The following KLHL29 variants were observed in gnomAD, a reference collection of about 807,000 sequenced individuals.
KLHL29 encodes the protein kelch-like protein 29.
A neutral mutation model predicts 80.4 loss-of-function variants in KLHL29; 21 were observed. The ratio of observed to expected loss-of-function variants is 0.26; its 90% CI spans 0.19 to 0.38. The LOEUF is 0.38. Ranked by LOEUF, KLHL29 falls within the 10% of genes least tolerant of loss-of-function variation. The pLI is 1.00. For synonymous variants in KLHL29, 511 were observed against 526.8 expected, an observed-to-expected ratio of 0.97 and a Z score of 0.41; for missense variants, 867 against 1,223.9, an observed-to-expected ratio of 0.71 and a Z score of 4.35.
At chr2:23,666,678 T>A (rs1325541851) in intron 5 of KLHL29, among the ~76,000 whole-genome samples, 2 of 152,232 alleles carry the variant, frequency 1.3e-5, no homozygotes, top group Non-Finnish European at 2.9e-5. Context: ...TGAGCGAGTT[T>A]CCTTCTGAAG....
At chr2:23,423,386 G>T (rs143036953) in intron 1 of KLHL29, among the ~76,000 whole-genome samples, 110 of 152,298 alleles carry the variant, frequency 7.2e-4, no homozygotes, top group African/African-American at 1.9e-3. Context: ...GGTCCCTTCC[G>T]CCCTGCCCTG....
rs147071371 is a variant in KLHL29 at position 23,575,554 on chromosome 2, C to T, written c.285+13073C>T. Reference sequence around the variant, plus strand: ...AGTGTTTTTGCCTGTGAACCCTCCCCAGTCTCACAATTGCATGAGGTTGGG... The same window carrying T: ...AGTGTTTTTGCCTGTGAACCCTCCCTAGTCTCACAATTGCATGAGGTTGGG... On this transcript the variant is annotated intron_variant, in intron 3 of 13. Transcript: ENST00000486442. Among the ~76,000 whole-genome samples, 10 of 152,342 alleles carry T rather than the reference C, an allele frequency of 6.6e-5. No homozygotes were observed. In the East Asian group the frequency reaches 1.5e-3, roughly 23 times the overall value.
chr2:23,441,798 T>G (rs1220291230), intron 1 of KLHL29, among the ~76,000 whole-genome samples: 1 of 152,180 alleles, frequency 6.6e-6, no homozygotes, highest in East Asian at 1.9e-4. Context: ...CACAGCATGA[T>G]GGTTGGATTC....
intron 2 of KLHL29, among the ~76,000 whole-genome samples, chr2:23,502,069 C>T (rs572564004): frequency 2.0e-4 from 31 of 152,298 alleles, no homozygotes; most frequent in African/African-American, 7.0e-4. Context: ...GTAGCCAGGC[C>T]GGGTGCACAT....
intron 1 of KLHL29, among the ~76,000 whole-genome samples, chr2:23,469,754 A>G (rs555130395): frequency 6.6e-6 from 1 of 152,292 alleles, no homozygotes; most frequent in South Asian, 2.1e-4. Context: ...AGCATCTACT[A>G]CGTGCCAGGT....
rs1243201973 is a variant in KLHL29, at chr2:23,706,600, A to G, written c.2564A>G (p.His855Arg). The change falls in exon 14 of 14, where the codon CAC (histidine) becomes CGC (arginine). Residue 855 changes from histidine to arginine, a missense_variant. This residue lies in a region of KLHL29 where 443 missense variants were observed against 767.0 expected (regional missense o/e 0.58). Coordinates refer to ENST00000486442, the MANE Select transcript of KLHL29 (RefSeq NM_052920.2). ...ACCAACACATGGACCCTCCTCCCCC[A>G]CATGCCCTGCCCTGTGTTCAGACAC... ...PTTNTWTLLP[H>R]MPCPVFRHGC... The G allele has an allele frequency of 6.5e-7, 1 of 1,536,928 alleles. No individual in the cohort carries two copies. The highest frequency in any genetic ancestry group is 8.7e-7 in the Non-Finnish European group (1 of 1,146,804).
chr2:23,645,935 C>A (rs556697079), intron 5 of KLHL29, among the ~76,000 whole-genome samples: 1 of 152,316 alleles, frequency 6.6e-6, no homozygotes, highest in East Asian at 1.9e-4. Flanking sequence ...GTGCCATTCA[C>A]TTTAATGAGT....
At chr2:23,702,249 T>C (rs1672441241) in intron 11 of KLHL29, among the ~76,000 whole-genome samples, 1 of 152,198 alleles carries the variant, frequency 6.6e-6, no homozygotes, top group African/African-American at 2.4e-5. Flanking sequence ...CAAAAATGCA[T>C]TTAATACACC....
chr2:23,606,081 G>T (rs10865226), intron 3 of KLHL29, among the ~76,000 whole-genome samples: 61,244 of 151,598 alleles, frequency 0.4, 12,582 homozygotes, highest in East Asian at 0.65. Context: ...GGGAAAACCT[G>T]TCTTAAAGGA....
chr2:23,485,480 TG>T (rs1320380875), intron 2 of KLHL29, among the ~76,000 whole-genome samples: 2 of 152,182 alleles, frequency 1.3e-5, no homozygotes, highest in East Asian at 3.8e-4. Flanking sequence ...CCACCACCCC[TG>T]GGGACATGGT....
At position 23,696,241 on chromosome 2, in the gene KLHL29, G is replaced by C. The variant is rs905281832; in HGVS notation, c.1925-92G>C. 2 of 1,485,392 alleles carry C rather than the reference G, an allele frequency of 1.3e-6. No homozygotes were observed. Among genetic ancestry groups the C allele is most frequent in the African/African-American group, 1.4e-5 (1 of 71,612 alleles). The allele number at this position is 1,485,392 out of a possible 1,614,324, so 92.0% of individuals were successfully genotyped here. A position where few individuals can be genotyped will look rare whatever the true frequency, so the allele number is the denominator to read the frequency against. On this transcript the variant is annotated intron_variant, in intron 10 of 13. Transcript: ENST00000486442. The surrounding 1 kb of genome is among the most constrained non-coding windows in gnomAD (Gnocchi z 5.5). Reference sequence around the variant, plus strand: ...TGGCCCAGAAGTGTCTACTTTGCAGGTGAAGCCTTCCTCTGCCCCTGGGGC... The same window carrying C: ...TGGCCCAGAAGTGTCTACTTTGCAGCTGAAGCCTTCCTCTGCCCCTGGGGC...
intron 2 of KLHL29, among the ~76,000 whole-genome samples, chr2:23,558,395 G>T (rs1667352218): frequency 8.3e-6 from 1 of 120,648 alleles, no homozygotes; most frequent in African/African-American, 3.0e-5. Flanking sequence ...TACTAGGACT[G>T]TAAGACATTT....
intron 1 of KLHL29, among the ~76,000 whole-genome samples, chr2:23,440,185 C>A (rs966610743): frequency 1.3e-5 from 2 of 152,166 alleles, no homozygotes; most frequent in African/African-American, 2.4e-5. Context: ...ATATCTACAA[C>A]TATCTGATCT....
At chr2:23,428,715 T>C (rs1663074704) in intron 1 of KLHL29, among the ~76,000 whole-genome samples, 1 of 152,176 alleles carries the variant, frequency 6.6e-6, no homozygotes, top group South Asian at 2.1e-4. Context: ...GTCCCTCTTC[T>C]CGTGCCCAAA....
Position 23,684,605 on chromosome 2 carries a change from T to C in KLHL29, c.1079+68T>C. ...GGACGCTTTTGTGTCGCTTTTCTCT[T>C]CCCCTCTCTTGCAGGTTCCTGAAGC... On this transcript the variant is annotated intron_variant, in intron 6 of 13. Coordinates refer to ENST00000486442, the MANE Select transcript of KLHL29 (RefSeq NM_052920.2). This position sits in a 1 kb window ranked among gnomAD's most constrained non-coding sequence, Gnocchi z 4.4. 1 of 1,394,176 alleles carries C rather than the reference T, an allele frequency of 7.2e-7. No individual in the cohort carries two copies. Among genetic ancestry groups the C allele is most frequent in the Non-Finnish European group, 9.6e-7 (1 of 1,044,588 alleles). The allele number at this position is 1,394,176 out of a possible 1,614,324, so 86.4% of individuals were successfully genotyped here. A position where few individuals can be genotyped will look rare whatever the true frequency, so the allele number is the denominator to read the frequency against.
chr2:23,564,764 G>T (rs1667546724), intron 3 of KLHL29, among the ~76,000 whole-genome samples: 2 of 152,212 alleles, frequency 1.3e-5, no homozygotes, highest in African/African-American at 4.8e-5. Context: ...TACTGAGCAG[G>T]CAAGAGCTGG....
intron 1 of KLHL29, among the ~76,000 whole-genome samples, chr2:23,400,863 C>T (rs543316032): frequency 1.6e-4 from 24 of 152,278 alleles, no homozygotes; most frequent in East Asian, 1.5e-3. Flanking sequence ...AAAGCTACAC[C>T]TTTGTTGCAA....
rs1027329039 is a variant in KLHL29 at position 23,400,713 on chromosome 2, G to A, written c.-154+14933G>A. The stretch of plus-strand genomic sequence containing the variant: ...AAATTAGCCAGATGTAGTGGTACAC[G>A]CCTATAGTCCCAGCTACTTGGGAGG... On this transcript the variant is annotated intron_variant, in intron 1 of 13. Transcript: ENST00000486442. 5.3e-5 allele frequency among the ~76,000 whole-genome samples: 8 copies of A among 152,054 alleles called. 1 individual carries two copies. The highest frequency in any genetic ancestry group is 4.2e-4 in the South Asian group (2 of 4,814).
At chr2:23,423,306 G>A (rs1018395541) in intron 1 of KLHL29, among the ~76,000 whole-genome samples, 3 of 152,204 alleles carry the variant, frequency 2.0e-5, no homozygotes, top group Non-Finnish European at 2.9e-5. Context: ...CAGCCTGGCC[G>A]ACTGACCTCC....
Sources: gnomAD v4.1 joint callset for allele counts (sites outside exome capture counted in the v4.1 genomes callset) on GRCh38, gnomAD v4.1.1 for gene constraint, gnomAD v4.1.1 regional missense constraint, Gnocchi (gnomAD v3.1) non-coding constraint, MANE v1.5 for transcripts, NCBI Gene and HGNC (gene_info 2026-07-23, HGNC 2026-07-21) for gene names.